The following CDH22 variants were observed in gnomAD, a reference collection of about 807,000 sequenced individuals.
CDH22 encodes cadherin-22.
CDH22 carries 30 observed loss-of-function variants against 58.4 expected under a neutral mutation model. That is an observed-to-expected ratio of 0.51 (90% CI 0.38 to 0.70). CDH22 has a LOEUF of 0.70. Ranked by LOEUF, CDH22 falls within the 30% of genes least tolerant of loss-of-function variation. CDH22 has a pLI of 0.00. For missense variants in CDH22, 1,014 were observed against 1,233.9 expected, an observed-to-expected ratio of 0.82 and a Z score of 2.67; for synonymous variants, 513 against 558.2, an observed-to-expected ratio of 0.92 and a Z score of 1.14.
intron 3 of CDH22, 152 bp from the exon 4 acceptor site, chr20:46,227,779 C>T (rs976600738): frequency 8.7e-7 from 1 of 1,146,806 alleles, no homozygotes. Flanking sequence ...CCCATCCCCA[C>T]TCTGAGCCCC....
At chr20:46,262,215 G>C (rs2086436375) in intron 1 of CDH22, among the ~76,000 whole-genome samples, 1 of 151,084 alleles carries the variant, frequency 6.6e-6, no homozygotes, top group Admixed American at 6.6e-5. Flanking sequence ...GTGTGTGTGT[G>C]TGTTGAGGGG....
intron 1 of CDH22, among the ~76,000 whole-genome samples, chr20:46,278,520 C>T (rs1160865615): frequency 6.6e-6 from 1 of 152,194 alleles, no homozygotes; most frequent in Non-Finnish European, 1.5e-5. Flanking sequence ...CCTAGACAGA[C>T]ACCTTTCATA....
In CDH22 at chr20:46,199,451, G is replaced by A; in HGVS notation, c.1395C>T (p.His465=). The A allele has an allele frequency of 6.2e-7, 1 of 1,613,060 alleles. No individual in the cohort carries two copies. Among genetic ancestry groups the A allele is most frequent in the Non-Finnish European group, 8.5e-7 (1 of 1,180,004 alleles). ...CCTCCATGGCCAGCACTGTGATGTT[G>A]TGCCAGCCGGCCGTCTCGCGGTCCA... is the stretch of plus-strand genomic sequence containing the variant. ...KGLDRETAGW[H]NITVLAMEAD... The change falls in exon 8 of 12, where the codon CAC becomes CAT. Residue 465 remains histidine, a synonymous_variant. Coordinates refer to ENST00000537909, the MANE Select transcript of CDH22 (RefSeq NM_021248.3).
intron 8 of CDH22, among the ~76,000 whole-genome samples, 176 bp from the exon 9 acceptor site, chr20:46,187,123 A>G (rs2248597): frequency 0.41 from 61,890 of 151,804 alleles, 12,847 homozygotes; most frequent in Admixed American, 0.44. Context: ...AGTAATCATC[A>G]CTGTAATCAC....
Position 46,227,516 on chromosome 20 carries a change from G to A in CDH22, c.662C>T (p.Pro221Leu). The A allele has an allele frequency of 6.2e-7, 1 of 1,604,314 alleles. No individual in the cohort carries two copies. Among genetic ancestry groups the A allele is most frequent in the East Asian group, 2.3e-5 (1 of 44,378 alleles). ...CCCGCCCTGCCCCTCACCGGTCTTG[G>A]GGTCCACGGTGAAGTGGTGCTCGCC... ...LDGEHHFTVD[P>L]KTGVIRTAVP... Residue 221 changes from proline (P) to leucine (L), a missense_variant, in exon 4 of 12, where the codon CCC becomes CTC. Pro to Leu is a moderately conservative substitution (Grantham distance 98). Around this residue, in one of 2 missense-constraint regions of CDH22, gnomAD observed 806 missense variants for 1,038.7 expected, o/e 0.78. Transcript: ENST00000537909.
At chr20:46,199,728 T>G (rs139399727) in intron 7 of CDH22, among the ~76,000 whole-genome samples, 169 bp from the exon 8 acceptor site, 152 of 152,234 alleles carry the variant, frequency 1.0e-3, no homozygotes, top group African/African-American at 3.3e-3. Flanking sequence ...GGGTGTGCAT[T>G]TCACTTGCAC....
Position 46,210,628 on chromosome 20 carries a change from G to T in CDH22, c.1033-68C>A. 7.3e-7 allele frequency: 1 copy of T among 1,365,442 alleles called. No individual in the cohort carries two copies. Among genetic ancestry groups the T allele is most frequent in the Non-Finnish European group, 9.6e-7 (1 of 1,044,894 alleles). 84.6% of individuals were successfully genotyped at this position (1,365,442 alleles called of 1,614,324 possible). ...TGGACACTGAGGCCTTCACGAGGGA[G>T]GCCAAGGCAGGCGGGGTTGGCCCAA... On this transcript the variant is annotated intron_variant, in intron 6 of 11. Transcript: ENST00000537909. The surrounding 1 kb of genome is among the most constrained non-coding windows in gnomAD (Gnocchi z 4.5).
chr20:46,233,370 G>A (rs998916912), intron 3 of CDH22, among the ~76,000 whole-genome samples: 2 of 152,154 alleles, frequency 1.3e-5, no homozygotes, highest in African/African-American at 4.8e-5. Context: ...ATCCCAAATA[G>A]ACCCACAAGC....
In CDH22 at chr20:46,174,405, G is replaced by A. The variant is rs929761213; in HGVS notation, c.*101C>T. The stretch of plus-strand genomic sequence containing the variant: ...CGTCCAGCCGCCAAGGGAGGGTTGG[G>A]GGAGGGCAGGAAAGGGGGTCCGCGG... On this transcript the variant is annotated 3_prime_UTR_variant, in exon 12 of 12. Coordinates refer to ENST00000537909, the MANE Select transcript of CDH22 (RefSeq NM_021248.3). The surrounding 1 kb of genome is among the most constrained non-coding windows in gnomAD (Gnocchi z 4.4). 2.5e-6 allele frequency: 2 copies of A among 798,876 alleles called. No homozygotes were observed. The highest frequency in any genetic ancestry group is 3.7e-5 in the African/African-American group (2 of 53,888). The allele number at this position is 798,876 out of a possible 1,614,324, so 49.5% of individuals were successfully genotyped here.
At chr20:46,230,013 C>T (rs918992797) in intron 3 of CDH22, among the ~76,000 whole-genome samples, 11 of 152,218 alleles carry the variant, frequency 7.2e-5, no homozygotes, top group South Asian at 4.1e-4. Context: ...TAGTTAATGC[C>T]GACATGTGGG....
Position 46,210,236 on chromosome 20 carries a change from C to T in CDH22, c.1286+71G>A, listed in dbSNP as rs2086030962. The T allele has an allele frequency of 5.2e-6, 7 of 1,339,368 alleles. No individual in the cohort carries two copies. The highest frequency in any genetic ancestry group is 6.7e-6 in the Non-Finnish European group (7 of 1,045,178). 83.0% of individuals were successfully genotyped at this position (1,339,368 alleles called of 1,614,324 possible). A position where few individuals can be genotyped will look rare whatever the true frequency, so the allele number is the denominator to read the frequency against. On this transcript the variant is annotated intron_variant, in intron 7 of 11. Transcript: ENST00000537909. This position sits in a 1 kb window ranked among gnomAD's most constrained non-coding sequence, Gnocchi z 4.5. ...CCCGCCCCAGCCCTCCTCCCCTCTG[C>T]CCGCAGTCTGTCCGCGGGGGTGATG...
chr20:46,192,129 T>A, intron 8 of CDH22, among the ~76,000 whole-genome samples: 1 of 152,206 alleles, frequency 6.6e-6, no homozygotes, highest in East Asian at 1.9e-4. Flanking sequence ...AACTTTCTCA[T>A]CCTCTATCTC....
In CDH22 at chr20:46,241,249, G is replaced by A. The variant is rs529732146; in HGVS notation, c.264C>T (p.Ser88=). 9.9e-5 allele frequency: 159 copies of A among 1,601,184 alleles called. 1 individual carries two copies. The South Asian group carries it at 1.5e-3, about 15-fold the overall frequency. The change falls in exon 3 of 12, where the codon TCC becomes TCT. Residue 88 remains serine (S), a synonymous_variant. Coordinates refer to ENST00000537909, the MANE Select transcript of CDH22 (RefSeq NM_021248.3). The surrounding 1 kb of genome is among the most constrained non-coding windows in gnomAD (Gnocchi z 5.2). ...TGGCCCCGTCACCCTCGTCTGAGTC[G>A]GAGTGGATCTGGGTAGGCAGAGAAG... ...TEPLYVGKIH[S]DSDEGDGAIK... is the part of the protein sequence containing the mutation.
chr20:46,244,611 G>A (rs1404152746), intron 2 of CDH22, among the ~76,000 whole-genome samples: 1 of 152,228 alleles, frequency 6.6e-6, no homozygotes. Flanking sequence ...CAGGTGAAGA[G>A]ACTGAGATGG....
At position 46,241,401 on chromosome 20, in the gene CDH22, C is replaced by T; in HGVS notation, c.256-144G>A. The T allele has an allele frequency of 1.4e-6, 1 of 720,854 alleles. No homozygotes were observed. 44.7% of individuals were successfully genotyped at this position (720,854 alleles called of 1,614,324 possible). On this transcript the variant is annotated intron_variant, in intron 2 of 11. Coordinates refer to ENST00000537909, the MANE Select transcript of CDH22 (RefSeq NM_021248.3). The surrounding 1 kb of genome is among the most constrained non-coding windows in gnomAD (Gnocchi z 5.2). ...CTTTAGTGAGGACACTGAGGCCCAG[C>T]AGCCACGCTCACTTCCATCCCTGGC...
Position 46,280,707 on chromosome 20 carries a change from G to C in CDH22, c.-400+27548C>G, listed in dbSNP as rs76793125. On this transcript the variant is annotated intron_variant, in intron 1 of 11. Transcript: ENST00000537909. The stretch of plus-strand genomic sequence containing the variant: ...AGACCTGGATTTGAATGTCAGTTCT[G>C]TCACATACAGTGACCTTGAGCAATC... Among the ~76,000 whole-genome samples, 1,810 of 152,352 alleles carry C rather than the reference G, an allele frequency of 0.012. 97 individuals are homozygous for C. The East Asian group carries it at 0.14, about 12-fold the overall frequency.
chr20:46,254,599 A>G (rs2086397233), intron 1 of CDH22, among the ~76,000 whole-genome samples: 1 of 151,936 alleles, frequency 6.6e-6, no homozygotes, highest in African/African-American at 2.4e-5. Flanking sequence ...CCCTCATGGA[A>G]CTGACTTTCT....
intron 1 of CDH22, among the ~76,000 whole-genome samples, chr20:46,306,889 C>T (rs148166185): frequency 2.3e-3 from 347 of 152,234 alleles, no homozygotes; most frequent in Middle Eastern, 0.01. Context: ...GACAGAGAGT[C>T]GCGGTGGTTA....
intron 1 of CDH22, among the ~76,000 whole-genome samples, chr20:46,282,299 G>A (rs2086554531): frequency 6.6e-6 from 1 of 152,152 alleles, no homozygotes; most frequent in Non-Finnish European, 1.5e-5. Context: ...TGCCCGGGGG[G>A]TGGGAGCAGC....
Sources: gnomAD v4.1 joint callset for allele counts (sites outside exome capture counted in the v4.1 genomes callset) on GRCh38, gnomAD v4.1.1 for gene constraint, gnomAD v4.1.1 regional missense constraint, Gnocchi (gnomAD v3.1) non-coding constraint, MANE v1.5 for transcripts, NCBI Gene and HGNC (gene_info 2026-07-23, HGNC 2026-07-21) for gene names.